Variants in ATXN2 observed in about 807,000 individuals in gnomAD.
ATXN2 encodes the protein ataxin-2.
ATXN2 carries 37 observed loss-of-function variants against 138.6 expected under a neutral mutation model. The ratio of observed to expected loss-of-function variants is 0.27; its 90% CI spans 0.21 to 0.35. The LOEUF (loss-of-function observed/expected upper bound fraction) is 0.35, where lower values mean the gene tolerates loss of function less well. ATXN2 is among the 10% of genes least tolerant of loss of function. ATXN2 has a pLI of 1.00. For synonymous variants in ATXN2, 549 were observed against 543.7 expected (o/e 1.01, Z -0.13); for missense variants, 1,216 against 1,480.3 (o/e 0.82, Z 2.93).
intron 5 of ATXN2, among the ~76,000 whole-genome samples, chr12:111,543,103 T>C (rs1456883805): frequency 3.3e-5 from 5 of 152,172 alleles, no homozygotes; most frequent in Non-Finnish European, 5.9e-5. Flanking sequence ...TTTCTTTTAA[T>C]CTCAATAATC....
chr12:111,469,461 G>A (rs1363404164), intron 20 of ATXN2: 1 of 152,086 alleles, frequency 6.6e-6, no homozygotes, highest in Non-Finnish European at 1.5e-5. Flanking sequence ...TCTCTGTTTA[G>A]TCACAAAACG....
Position 111,546,927 on chromosome 12 carries a change from T to C in ATXN2, c.571+5353A>G, listed in dbSNP as rs981534994. ...ACTCACAGCTCATATGACGTAAAGG[T>C]ACTTTCAGTTTCTCAGTAAATCAAA... On this transcript the variant is annotated intron_variant, in intron 5 of 24. Coordinates refer to ENST00000673436, the MANE Select transcript of ATXN2 (RefSeq NM_001372574.1). 3.3e-5 allele frequency among the ~76,000 whole-genome samples: 5 copies of C among 152,240 alleles called. No individual in the cohort carries two copies. The East Asian group carries it at 7.7e-4, about 23-fold the overall frequency.
rs768295034 is a variant in ATXN2, at chr12:111,485,834, C to T, written c.2336G>A (p.Arg779Gln). ...PKPSTTPTSPRPQAQPSPSMV... is the reference protein window; with the variant it reads ...PKPSTTPTSPQPQAQPSPSMV... The stretch of plus-strand genomic sequence containing the variant: ...AGATGGGCTAGGTTGTGCTTGAGGC[C>T]GAGGTGAAGTTGGGGTAGTAGAAGG... The change falls in exon 17 of 25, where the codon CGG becomes CAG. Residue 779 changes from arginine (R) to glutamine (Q), a missense_variant. Physicochemically the swap from Arg to Gln is conservative, Grantham distance 43. Transcript: ENST00000673436. 14 of 1,613,768 alleles carry T rather than the reference C, an allele frequency of 8.7e-6. No individual in the cohort carries two copies. The highest frequency in any genetic ancestry group is 1.1e-5 in the Non-Finnish European group (13 of 1,179,900).
At chr12:111,460,142 C>T (rs1013863889) in intron 21 of ATXN2, among the ~76,000 whole-genome samples, 2 of 152,176 alleles carry the variant, frequency 1.3e-5, no homozygotes, top group Non-Finnish European at 2.9e-5. Context: ...AGTGCAGTGG[C>T]GTGATATCAG....
In ATXN2 at chr12:111,598,963, CT is replaced by C; in HGVS notation, c.71del (p.Gln24ArgfsTer22). On this transcript the variant is annotated frameshift_variant, in exon 1 of 25. Transcript: ENST00000673436. LOFTEE classifies it high-confidence loss of function. This position sits in a 1 kb window ranked among gnomAD's most constrained non-coding sequence, Gnocchi z 4.5. ...CCGCGGGCGGCGGCTGCTGCTGCTG[CT>C]GCTGCTGCTGCTGTTGCTGCTGCTG... ...QQQQQQQQQQ[Q>X]QQQQPPPAAA... 6.7e-7 allele frequency: 1 copy of C among 1,502,558 alleles called. No homozygotes were observed. Among genetic ancestry groups the C allele is most frequent in the Non-Finnish European group, 8.9e-7 (1 of 1,128,580 alleles). 93.1% of individuals were successfully genotyped at this position (1,502,558 alleles called of 1,614,324 possible).
chr12:111,599,339 C>A, upstream of ATXN2: 1 of 612,772 alleles, frequency 1.6e-6, no homozygotes, highest in Admixed American at 6.9e-5. Context: ...GGGGCCGGGG[C>A]CGGGCGGGGG....
chr12:111,482,061 G>GTA (rs1488438840), intron 18 of ATXN2, among the ~76,000 whole-genome samples: 1 of 151,730 alleles, frequency 6.6e-6, no homozygotes, highest in Non-Finnish European at 1.5e-5. Context: ...GGTAAAAGTG[G>GTA]TATATTCAGG....
chr12:111,455,555 A>C (rs1875017524), intron 23 of ATXN2: 1 of 271,490 alleles, frequency 3.7e-6, no homozygotes, highest in Non-Finnish European at 7.2e-6. Context: ...ATAACCAGGG[A>C]AAACAATTGG....
intron 5 of ATXN2, among the ~76,000 whole-genome samples, chr12:111,541,611 G>A (rs2135770857): frequency 6.7e-6 from 1 of 148,456 alleles, no homozygotes; most frequent in South Asian, 2.1e-4. Flanking sequence ...GGAATTATAG[G>A]CGTGAGCCAC....
intron 1 of ATXN2, among the ~76,000 whole-genome samples, chr12:111,567,534 C>T (rs1883080322): frequency 6.6e-6 from 1 of 150,620 alleles, no homozygotes. Context: ...AATGAAATGG[C>T]CTGGCACAGT....
chr12:111,456,374 C>G (rs79289346), intron 22 of ATXN2, 118 bp from the exon 23 acceptor site: 1 of 1,064,820 alleles, frequency 9.4e-7, no homozygotes, highest in African/African-American at 1.6e-5. Context: ...CTGGAAAGTA[C>G]AGGAGAATGT....
intron 6 of ATXN2, among the ~76,000 whole-genome samples, chr12:111,522,094 T>C (rs1359116562): frequency 1.3e-5 from 2 of 152,016 alleles, no homozygotes; most frequent in Non-Finnish European, 2.9e-5. Flanking sequence ...TAACCTTGGG[T>C]CCTCCTGTGC....
chr12:111,476,684 G>C (rs765522251), intron 18 of ATXN2, among the ~76,000 whole-genome samples: 1 of 152,122 alleles, frequency 6.6e-6, no homozygotes, highest in Non-Finnish European at 1.5e-5. Flanking sequence ...ATAAATTTAA[G>C]AAAGCAGGCA....
intron 5 of ATXN2, among the ~76,000 whole-genome samples, chr12:111,547,673 G>A (rs1014712533): frequency 6.1e-5 from 9 of 148,458 alleles, no homozygotes; most frequent in South Asian, 2.1e-4. Flanking sequence ...TGCAGTGAGC[G>A]AAGATTGCAC....
At chr12:111,479,732 T>C (rs1877082445) in intron 18 of ATXN2, among the ~76,000 whole-genome samples, 1 of 151,890 alleles carries the variant, frequency 6.6e-6, no homozygotes, top group Non-Finnish European at 1.5e-5. Flanking sequence ...TTTTGTTTTG[T>C]TCATCAGCTA....
Position 111,592,576 on chromosome 12 carries a change from A to C in ATXN2, c.251+6208T>G, listed in dbSNP as rs111994197. On this transcript the variant is annotated intron_variant, in intron 1 of 24. Coordinates refer to ENST00000673436, the MANE Select transcript of ATXN2 (RefSeq NM_001372574.1). ...GGCAGGTGGATCACCTGAGGTCAGG[A>C]GTTTGAGACCATTCTAGCCAACATG... is the stretch of plus-strand genomic sequence containing the variant. 5.4e-3 allele frequency among the ~76,000 whole-genome samples: 821 copies of C among 152,018 alleles called. 2 individuals are homozygous for C. Among genetic ancestry groups the C allele is most frequent in the Non-Finnish European group, 9.9e-3 (674 of 67,982 alleles).
intron 18 of ATXN2, among the ~76,000 whole-genome samples, chr12:111,472,439 T>G (rs1352508374): frequency 6.6e-6 from 1 of 152,220 alleles, no homozygotes; most frequent in Admixed American, 6.5e-5. Flanking sequence ...TCATATATGG[T>G]ACTTCATAAG....
intron 18 of ATXN2, among the ~76,000 whole-genome samples, chr12:111,472,592 A>G: frequency 6.6e-6 from 1 of 151,968 alleles, no homozygotes; most frequent in East Asian, 1.9e-4. Flanking sequence ...TCTTTGAGAC[A>G]GAGTGTCGCT....
At chr12:111,541,588 C>T (rs1244461239) in intron 5 of ATXN2, among the ~76,000 whole-genome samples, 1 of 148,044 alleles carries the variant, frequency 6.8e-6, no homozygotes, top group African/African-American at 2.4e-5. Flanking sequence ...CTGCCTCAGC[C>T]TCCCAAAGTG....
Sources: allele counts gnomAD v4.1 joint callset (sites outside exome capture counted in the v4.1 genomes callset), GRCh38; gene constraint gnomAD v4.1.1; non-coding constraint Gnocchi (gnomAD v3.1); transcripts MANE v1.5; gene names NCBI Gene and HGNC (gene_info 2026-07-23, HGNC 2026-07-21).